ACAN: variants seen among roughly 807,000 people sequenced by gnomAD.
ACAN encodes aggrecan core protein.
ACAN carries 47 observed loss-of-function variants against 169.1 expected under a neutral mutation model. The observed-to-expected ratio is 0.28, with a 90% confidence interval of 0.22 to 0.35. The LOEUF (loss-of-function observed/expected upper bound fraction) is 0.35. Among genes scored for constraint, ACAN ranks in the 10% least tolerant of loss-of-function variants. The pLI is 1.00. For missense variants in ACAN, 2,716 were observed against 2,759.9 expected, an observed-to-expected ratio of 0.98 and a Z score of 0.36; for synonymous variants, 1,115 against 1,112.2, an observed-to-expected ratio of 1.00 and a Z score of -0.05.
chr15:88,834,005 G>A (rs902412846), intron 1 of ACAN, among the ~76,000 whole-genome samples: 1 of 152,176 alleles, frequency 6.6e-6, no homozygotes, highest in Non-Finnish European at 1.5e-5. Context: ...CCTCCCCAGA[G>A]TGGAGAAGAC....
chr15:88,864,476 A>G (rs998997445), intron 13 of ACAN, among the ~76,000 whole-genome samples: 1 of 152,324 alleles, frequency 6.6e-6, no homozygotes, highest in Admixed American at 6.5e-5. Flanking sequence ...TATGTTGGCC[A>G]GGCTGATCTT....
chr15:88,860,023 A>AT (rs1187706865), intron 12 of ACAN, among the ~76,000 whole-genome samples: 1 of 150,540 alleles, frequency 6.6e-6, no homozygotes, highest in Non-Finnish European at 1.5e-5. Context: ...TCACCGTGAC[A>AT]TAACTCCAAG....
Position 88,847,350 on chromosome 15 carries a change from C to T in ACAN, c.1537C>T (p.Leu513Phe). 1 of 1,587,970 alleles carries T rather than the reference C, an allele frequency of 6.3e-7. No individual in the cohort carries two copies. Among genetic ancestry groups the T allele is most frequent in the Non-Finnish European group, 8.6e-7 (1 of 1,168,204 alleles). The change falls in exon 8 of 19, where the codon CTC becomes TTC. Residue 513 changes from leucine (L) to phenylalanine (F), a missense_variant. Physicochemically the swap from Leu to Phe is conservative, Grantham distance 22 (BLOSUM62 0). Around this residue, in one of 3 missense-constraint regions of ACAN, gnomAD observed 1,283 missense variants for 1,281.5 expected, o/e 1.00. Transcript: ENST00000560601. ...GGCGGTCATTGCCTCGCCGGAGCAG[C>T]TCCAGGCCGCCTACGAAGCAGGCTA... ...TGAVIASPEQLQAAYEAGYEQ... is the reference protein window; with the variant it reads ...TGAVIASPEQFQAAYEAGYEQ...
In ACAN at chr15:88,872,824, C is replaced by G. The variant is rs1390375210; in HGVS notation, c.7303-57C>G. ...GGCTCCACGGGGAAGACAGTCGGAG[C>G]AGGCCAACCCGCACTGTCCTGCCCT... On this transcript the variant is annotated intron_variant, in intron 16 of 18. Transcript: ENST00000560601. The surrounding 1 kb of genome is among the most constrained non-coding windows in gnomAD (Gnocchi z 5.4). 56 of 1,579,348 alleles carry G rather than the reference C, an allele frequency of 3.5e-5. No homozygotes were observed. Among genetic ancestry groups the G allele is most frequent in the Non-Finnish European group, 4.8e-5 (55 of 1,156,966 alleles).
rs76635155 is a variant in ACAN, at chr15:88,874,859, C to T, written c.*378C>T. Reference sequence around the variant, plus strand: ...TGACTTTATCCAAGAGCAGTGCAATCGTTGGTTATTTCACCTCCAGGGAGA... The same window carrying T: ...TGACTTTATCCAAGAGCAGTGCAATTGTTGGTTATTTCACCTCCAGGGAGA... On this transcript the variant is annotated 3_prime_UTR_variant, in exon 19 of 19. Transcript: ENST00000560601. This position sits in a 1 kb window ranked among gnomAD's most constrained non-coding sequence, Gnocchi z 7.3. 8,755 of 354,578 alleles carry T rather than the reference C, an allele frequency of 0.025. 130 individuals carry two copies. The highest frequency in any genetic ancestry group is 0.028 in the Non-Finnish European group (5,156 of 181,612). The allele number at this position is 354,578 out of a possible 1,614,324, so 22.0% of individuals were successfully genotyped here.
intron 11 of ACAN, among the ~76,000 whole-genome samples, chr15:88,852,940 C>G (rs1007143449): frequency 7.9e-5 from 12 of 152,238 alleles, no homozygotes; most frequent in African/African-American, 2.9e-4. Flanking sequence ...CATCAGCATT[C>G]TGTGCATGGT....
intron 1 of ACAN, among the ~76,000 whole-genome samples, chr15:88,809,978 AT>A (rs1346979475): frequency 6.6e-6 from 1 of 152,220 alleles, no homozygotes; most frequent in Non-Finnish European, 1.5e-5. Context: ...AAAGGGGTGG[AT>A]TTGGGTAAAC....
chr15:88,804,741 A>T (rs970782727), intron 1 of ACAN, among the ~76,000 whole-genome samples: 1 of 152,072 alleles, frequency 6.6e-6, no homozygotes, highest in Non-Finnish European at 1.5e-5. Flanking sequence ...CTTTTCCATC[A>T]TTATCCTCCT....
In ACAN at chr15:88,861,252, C is replaced by A. The variant is rs56802575; in HGVS notation, c.6946+813C>A. On this transcript the variant is annotated intron_variant, in intron 13 of 18. Coordinates refer to ENST00000560601, the MANE Select transcript of ACAN (RefSeq NM_001369268.1). This position sits in a 1 kb window ranked among gnomAD's most constrained non-coding sequence, Gnocchi z 6.3. ...ATTAGTTCTCCCACTAACCCCAGTG[C>A]CCTTATCCCCAGCCTCCCTCCTAGG... 2.2e-3 allele frequency among the ~76,000 whole-genome samples: 335 copies of A among 152,266 alleles called. 1 individual carries two copies. The highest frequency in any genetic ancestry group is 7.6e-3 in the African/African-American group (315 of 41,540).
At position 88,874,689 on chromosome 15, in the gene ACAN, CA is replaced by C; in HGVS notation, c.*211del. On this transcript the variant is annotated 3_prime_UTR_variant, in exon 19 of 19. Transcript: ENST00000560601. This position sits in a 1 kb window ranked among gnomAD's most constrained non-coding sequence, Gnocchi z 7.3. ...CGCATCTAATTTGTCCGCCGAATGC[CA>C]AAGCAAAGCAAACTTATTATAACCC... 1 of 657,548 alleles carries C rather than the reference CA, an allele frequency of 1.5e-6. No homozygotes were observed. Among genetic ancestry groups the C allele is most frequent in the Non-Finnish European group, 2.8e-6 (1 of 359,644 alleles). 40.7% of individuals were successfully genotyped at this position (657,548 alleles called of 1,614,324 possible).
chr15:88,845,981 C>T, intron 7 of ACAN, 99 bp downstream of exon 7: 6 of 1,296,530 alleles, frequency 4.6e-6, no homozygotes, highest in Non-Finnish European at 6.1e-6. Context: ...TCTACTTAAC[C>T]TGGCACGTGG....
intron 1 of ACAN, among the ~76,000 whole-genome samples, chr15:88,804,236 G>A (rs548995797): frequency 1.1e-4 from 16 of 152,314 alleles, no homozygotes; most frequent in African/African-American, 3.8e-4. Context: ...CTGAGCCTTG[G>A]CCTGCCGTCT....
intron 1 of ACAN, among the ~76,000 whole-genome samples, chr15:88,832,443 C>A (rs1402050945): frequency 1.3e-5 from 2 of 152,106 alleles, no homozygotes; most frequent in East Asian, 3.9e-4. Context: ...AACCATGTCT[C>A]TACCAAAAAA....
intron 1 of ACAN, among the ~76,000 whole-genome samples, chr15:88,809,279 C>G (rs1377878030): frequency 1.3e-5 from 2 of 152,082 alleles, no homozygotes; most frequent in African/African-American, 4.8e-5. Flanking sequence ...CATCTCCCTC[C>G]AGTGTGTGTG....
intron 1 of ACAN, among the ~76,000 whole-genome samples, chr15:88,821,233 A>G (rs1291063911): frequency 6.6e-6 from 1 of 152,154 alleles, no homozygotes; most frequent in Admixed American, 6.5e-5. Flanking sequence ...TTGACCTCCC[A>G]GGCTCATGCG....
chr15:88,806,340 C>A (rs926210468), intron 1 of ACAN, among the ~76,000 whole-genome samples: 9 of 138,160 alleles, frequency 6.5e-5, no homozygotes, highest in East Asian at 2.5e-4. Flanking sequence ...TGTGTCCTAA[C>A]TTTTGGTGTG....
At chr15:88,863,289 C>A (rs986780659) in intron 13 of ACAN, among the ~76,000 whole-genome samples, 1 of 152,232 alleles carries the variant, frequency 6.6e-6, no homozygotes, top group East Asian at 1.9e-4. Flanking sequence ...AGCGTCTTTC[C>A]CCACTTCCAT....
rs2047066187 is a variant in ACAN at position 88,838,599 on chromosome 15, G to T, written c.71-64G>T. 6.6e-7 allele frequency: 1 copy of T among 1,512,794 alleles called. No individual in the cohort carries two copies. The allele number at this position is 1,512,794 out of a possible 1,614,324, so 93.7% of individuals were successfully genotyped here. A position where few individuals can be genotyped will look rare whatever the true frequency, so the allele number is the denominator to read the frequency against. On this transcript the variant is annotated intron_variant, in intron 2 of 18. Transcript: ENST00000560601. This position sits in a 1 kb window ranked among gnomAD's most constrained non-coding sequence, Gnocchi z 5.1. ...AGTGCATTGCTGGAAGGATGGATGGGGAGGCGGGGTGGTCCTCTCTAGGCA... is the reference window on the plus strand; with the variant it reads ...AGTGCATTGCTGGAAGGATGGATGGTGAGGCGGGGTGGTCCTCTCTAGGCA...
intron 13 of ACAN, among the ~76,000 whole-genome samples, chr15:88,865,549 A>T (rs1897265916): frequency 6.6e-6 from 1 of 152,190 alleles, no homozygotes; most frequent in African/African-American, 2.4e-5. Context: ...ATAATGAAGG[A>T]GAACATGTGT....
Sources: gnomAD v4.1 joint callset for allele counts (sites outside exome capture counted in the v4.1 genomes callset) on GRCh38, gnomAD v4.1.1 for gene constraint, gnomAD v4.1.1 regional missense constraint, Gnocchi (gnomAD v3.1) non-coding constraint, MANE v1.5 for transcripts, NCBI Gene and HGNC (gene_info 2026-07-23, HGNC 2026-07-21) for gene names.